The following ASPM variants were observed in gnomAD, a reference collection of about 807,000 sequenced individuals.
The protein encoded by ASPM is assembly factor for spindle microtubules, also known as abnormal spindle-like microcephaly-associated protein.
ASPM carries 256 observed loss-of-function variants against 366.4 expected under a neutral mutation model. The observed-to-expected ratio is 0.70, with a 90% confidence interval of 0.63 to 0.77. ASPM has a LOEUF of 0.77. ASPM is among the 30% of genes least tolerant of loss of function. The pLI is 0.00. For synonymous variants in ASPM, 1,414 were observed against 1,342.9 expected (o/e 1.05, Z -1.16); for missense variants, 4,146 against 4,090.4 (o/e 1.01, Z -0.37).
intron 18 of ASPM, among the ~76,000 whole-genome samples, chr1:197,097,516 C>T (rs745766903): frequency 6.6e-5 from 10 of 151,618 alleles, no homozygotes; most frequent in African/African-American, 9.7e-5. Context: ...ATAGGCACAA[C>T]GTATATTTAG....
rs1266930022 is a variant in ASPM, at chr1:197,102,421, A to G, written c.6830T>C (p.Met2277Thr). 1 of 1,612,690 alleles carries G rather than the reference A, an allele frequency of 6.2e-7. No individual in the cohort carries two copies. Among genetic ancestry groups the G allele is most frequent in the Non-Finnish European group, 8.5e-7 (1 of 1,179,246 alleles). The change falls in exon 18 of 28, where the codon ATG (methionine) becomes ACG (threonine). Residue 2277 changes from methionine (M) to threonine (T), a missense_variant. By Grantham distance (81) the Met-to-Thr change is moderately conservative (BLOSUM62 -1). Coordinates refer to ENST00000367409, the MANE Select transcript of ASPM (RefSeq NM_018136.5). The part of the protein sequence containing the change: ...TLIQRRFRTL[M>T]MRRRFLSLKK... ...GAGAGAGAGGAATCTTCTTCTCATC[A>G]TTAGAGTTCTAAATCTCCTCTGAAT...
rs777810828 is a variant in ASPM, at chr1:197,101,805, C to A, written c.7446G>T (p.Arg2482Ser). 1.2e-6 allele frequency: 2 copies of A among 1,612,808 alleles called. No homozygotes were observed. The highest frequency in any genetic ancestry group is 1.1e-5 in the South Asian group (1 of 91,054). The stretch of plus-strand genomic sequence containing the variant: ...AAGTAGCCTGAATGAGAACTGCAGC[C>A]CTTTGCATTTCTTGTAACTTCTTCT... The part of the protein sequence containing the change: ...MVKKKLQEMQ[R>S]AAVLIQATFR... The change falls in exon 18 of 28, where the codon AGG becomes AGT. Residue 2482 changes from arginine to serine, a missense_variant. By Grantham distance (110) the Arg-to-Ser change is moderately radical. Coordinates refer to ENST00000367409, the MANE Select transcript of ASPM (RefSeq NM_018136.5).
chr1:197,085,880 T>C (rs1438396732), intron 27 of ASPM, among the ~76,000 whole-genome samples: 1 of 152,186 alleles, frequency 6.6e-6, no homozygotes, highest in African/African-American at 2.4e-5. Flanking sequence ...ATTTAAAGGA[T>C]GCATTTATAC....
intron 3 of ASPM, among the ~76,000 whole-genome samples, chr1:197,140,083 G>A (rs947665055): frequency 2.0e-5 from 3 of 152,188 alleles, no homozygotes; most frequent in African/African-American, 7.2e-5. Context: ...AATTTATTTT[G>A]TGTTTACAGA....
chr1:197,144,096 T>C lies in ASPM; in HGVS notation c.302A>G (p.Lys101Arg), dbSNP rs876660958. 1.3e-6 allele frequency: 2 copies of C among 1,599,624 alleles called. No individual in the cohort carries two copies. Among genetic ancestry groups the C allele is most frequent in the African/African-American group, 2.7e-5 (2 of 74,596 alleles). ...GTTAACAGAAATAACAATTTTCTCT[T>C]TAGGCTATAATCAAAACAATACATT... ...VSQRCFVLQP[K>R]EKIVISVNWT... Residue 101 changes from lysine (K) to arginine (R), a missense_variant, in exon 2 of 28, where the codon AAA becomes AGA. By Grantham distance (26) the Lys-to-Arg change is conservative. Around this residue, in one of 3 missense-constraint regions of ASPM, gnomAD observed 512 missense variants for 471.7 expected, o/e 1.09. Transcript: ENST00000367409.
intron 26 of ASPM, 130 bp downstream of exon 26, chr1:197,088,126 G>A (rs1175767435): frequency 4.4e-6 from 4 of 911,252 alleles, no homozygotes; most frequent in African/African-American, 1.7e-5. Flanking sequence ...TTTTATCCGT[G>A]CAAAAAGCAG....
Position 197,103,773 on chromosome 1 carries a change from T to A in ASPM, c.5478A>T (p.Ile1826=). 1 of 1,612,972 alleles carries A rather than the reference T, an allele frequency of 6.2e-7. No homozygotes were observed. Residue 1826 remains isoleucine, a synonymous_variant, in exon 18 of 28, where the codon ATA becomes ATT. Coordinates refer to ENST00000367409, the MANE Select transcript of ASPM (RefSeq NM_018136.5). ...AAGCAGACTGAATTTTAAGAGCAGCTATAGATTGTTGTTTGATTAGCTGGC... is the reference window on the plus strand; with the variant it reads ...AAGCAGACTGAATTTTAAGAGCAGCAATAGATTGTTGTTTGATTAGCTGGC... The part of the protein sequence containing the change: ...KVRQLIKQQS[I]AALKIQSAFR...
chr1:197,105,308 T>C (rs568192947), intron 17 of ASPM, 123 bp from the exon 18 acceptor site: 2 of 804,070 alleles, frequency 2.5e-6, no homozygotes, highest in Admixed American at 2.6e-5. Context: ...AGAAAACTAA[T>C]TATTTTTGTG....
chr1:197,125,518 G>A (rs114613219), intron 10 of ASPM, among the ~76,000 whole-genome samples: 2 of 152,178 alleles, frequency 1.3e-5, no homozygotes, highest in African/African-American at 4.8e-5. Context: ...GTAGAGCAGA[G>A]AGGAAGCACA....
At chr1:197,139,234 G>T in intron 4 of ASPM, 1 of 908,940 alleles carries the variant, frequency 1.1e-6, no homozygotes. Flanking sequence ...CAAGGCTAGT[G>T]ACGGCCTCTG....
At position 197,103,142 on chromosome 1, in the gene ASPM, T is replaced by C; in HGVS notation, c.6109A>G (p.Arg2037Gly). ...TTGTTGCAATCCTTTATTCTTTTTC[T>C]CACTTTCATACCACGATAAGCTGAC... ...LQSAYRGMKV[R>G]KRIKDCNKAA... The change falls in exon 18 of 28, where the codon AGA becomes GGA. Residue 2037 changes from arginine (R) to glycine (G), a missense_variant. By Grantham distance (125) the Arg-to-Gly change is moderately radical (BLOSUM62 -2). Transcript: ENST00000367409. 1 of 1,612,856 alleles carries C rather than the reference T, an allele frequency of 6.2e-7. No homozygotes were observed. Among genetic ancestry groups the C allele is most frequent in the Non-Finnish European group, 8.5e-7 (1 of 1,179,344 alleles).
Position 197,145,839 on chromosome 1 carries a change from T to A in ASPM, c.297+302A>T, listed in dbSNP as rs989641945. On this transcript the variant is annotated intron_variant, in intron 1 of 27. Transcript: ENST00000367409. Reference sequence around the variant, plus strand: ...AGTTAGCGTCTATCCTAGCCTTCAATTAGAGAATATATATATATATATATA... The same window carrying A: ...AGTTAGCGTCTATCCTAGCCTTCAAATAGAGAATATATATATATATATATA... 2.0e-4 allele frequency among the ~76,000 whole-genome samples: 11 copies of A among 53,742 alleles called. No individual in the cohort carries two copies. In the Admixed American group the frequency reaches 2.1e-3, roughly 10 times the overall value. The allele number at this position is 53,742 out of a possible 152,430, so 35.3% of individuals were successfully genotyped here.
chr1:197,122,553 A>T lies in ASPM; in HGVS notation c.3433T>A (p.Cys1145Ser). 1.2e-6 allele frequency: 2 copies of T among 1,612,774 alleles called. No homozygotes were observed. Among genetic ancestry groups the T allele is most frequent in the Non-Finnish European group, 1.7e-6 (2 of 1,179,372 alleles). ...TVSFSDGRVL[C>S]YLIHHYHPCY... ...GGATGGTAATGGTGGATCAGGTAAC[A>T]TAACACACGGCCGTCTGAGAAAGAC... Residue 1145 changes from cysteine (C) to serine (S), a missense_variant, in exon 14 of 28, where the codon TGT becomes AGT. Physicochemically the swap from Cys to Ser is moderately radical, Grantham distance 112 (BLOSUM62 -1). This residue lies in a region of ASPM where 3,624 missense variants were observed against 3,591.7 expected (regional missense o/e 1.01). Transcript: ENST00000367409.
rs1486945378 is a variant in ASPM, at chr1:197,146,598, G to A, written c.-161C>T. 3 of 698,002 alleles carry A rather than the reference G, an allele frequency of 4.3e-6. No individual in the cohort carries two copies. Among genetic ancestry groups the A allele is most frequent in the East Asian group, 5.4e-5 (2 of 36,816 alleles). The allele number at this position is 698,002 out of a possible 1,614,324, so 43.2% of individuals were successfully genotyped here. A position where few individuals can be genotyped will look rare whatever the true frequency, so the allele number is the denominator to read the frequency against. ...TTCTTTTCCACTAACCTACTCCCTA[G>A]AAAACAGAAAACAAGCCCAATAAAC... On this transcript the variant is annotated 5_prime_UTR_variant, in exon 1 of 28. Transcript: ENST00000367409.
At position 197,084,192 on chromosome 1, in the gene ASPM, T is replaced by TG; in HGVS notation, c.*131dup. 1 of 667,798 alleles carries TG rather than the reference T, an allele frequency of 1.5e-6. No homozygotes were observed. Among genetic ancestry groups the TG allele is most frequent in the Non-Finnish European group, 2.6e-6 (1 of 379,212 alleles). 41.4% of individuals were successfully genotyped at this position (667,798 alleles called of 1,614,324 possible). A position where few individuals can be genotyped will look rare whatever the true frequency, so the allele number is the denominator to read the frequency against. ...TAAATGATAAAAATGAAGAATGTAA[T>TG]GAACAGTTTATGTTTTTTTAAAACA... On this transcript the variant is annotated 3_prime_UTR_variant, in exon 28 of 28. Coordinates refer to ENST00000367409, the MANE Select transcript of ASPM (RefSeq NM_018136.5).
At chr1:197,139,155 G>A (rs932113062) in intron 4 of ASPM, 33 of 931,834 alleles carry the variant, frequency 3.5e-5, no homozygotes, top group Admixed American at 2.7e-4. Flanking sequence ...TTCCACATTG[G>A]TACAAAGAAG....
chr1:197,096,045 A>G lies in ASPM; in HGVS notation c.8940T>C (p.Ala2980=), dbSNP rs1356777392. ...AHKEYLAILK[A]VKIIQGCFYT... Reference sequence around the variant, plus strand: ...AGAAGCAACCTTGAATAATTTTAACAGCTTTTAATATAGCTAGATATTCTT... The same window carrying G: ...AGAAGCAACCTTGAATAATTTTAACGGCTTTTAATATAGCTAGATATTCTT... Residue 2980 remains alanine, a synonymous_variant, in exon 19 of 28, where the codon GCT becomes GCC. Coordinates refer to ENST00000367409, the MANE Select transcript of ASPM (RefSeq NM_018136.5). The G allele has an allele frequency of 6.2e-7, 1 of 1,609,410 alleles. No homozygotes were observed. Among genetic ancestry groups the G allele is most frequent in the African/African-American group, 1.3e-5 (1 of 74,718 alleles).
At chr1:197,126,453 AAAAAAAAAAAAAAAG>A (rs1422736072) in intron 10 of ASPM, among the ~76,000 whole-genome samples, 3 of 147,436 alleles carry the variant, frequency 2.0e-5, no homozygotes, top group East Asian at 2.0e-4. Context: ...AAAAAAAAAA[AAAAAAAAAAAAAAAG>A]GGAGGGGGAC....
Position 197,101,888 on chromosome 1 carries a change from A to G in ASPM, c.7363T>C (p.Leu2455=). 1 of 1,612,896 alleles carries G rather than the reference A, an allele frequency of 6.2e-7. No individual in the cohort carries two copies. The highest frequency in any genetic ancestry group is 8.5e-7 in the Non-Finnish European group (1 of 1,179,334). Residue 2455 remains leucine (L), a synonymous_variant, in exon 18 of 28, where the codon TTG becomes CTG. Transcript: ENST00000367409. ...ICAKHKLYQF[L]HLRKAAITIQ... ...GTAATGGCTGCCTTTCTTAAGTGCA[A>G]GAATTGGTACAATTTATGTTTGGCA...
Sources: allele counts gnomAD v4.1 joint callset (sites outside exome capture counted in the v4.1 genomes callset), GRCh38; gene constraint gnomAD v4.1.1; regional missense constraint gnomAD v4.1.1; transcripts MANE v1.5; gene names NCBI Gene and HGNC (gene_info 2026-07-23, HGNC 2026-07-21).